The following CACNB2 variants were observed in gnomAD, a reference collection of about 807,000 sequenced individuals.
CACNB2 encodes the protein voltage-dependent L-type calcium channel subunit beta-2.
CACNB2 carries 42 observed loss-of-function variants against 73.3 expected under a neutral mutation model. That is an observed-to-expected ratio of 0.57 (90% confidence interval 0.45 to 0.74). The LOEUF is 0.74. Among genes scored for constraint, CACNB2 ranks in the 30% least tolerant of loss-of-function variants. CACNB2 has a pLI of 0.00. For synonymous variants in CACNB2, 348 were observed against 310.3 expected (o/e 1.12, Z -1.28); for missense variants, 940 against 853.0 (o/e 1.10, Z -1.27).
intron 2 of CACNB2, among the ~76,000 whole-genome samples, chr10:18,391,867 G>A (rs1006517083): frequency 7.2e-6 from 1 of 139,066 alleles, no homozygotes; most frequent in Non-Finnish European, 1.5e-5. Flanking sequence ...GACAGAGGTT[G>A]CAGTGAGCCA....
intron 2 of CACNB2, among the ~76,000 whole-genome samples, chr10:18,266,584 G>A (rs538230432): frequency 1.3e-5 from 2 of 151,704 alleles, no homozygotes; most frequent in Admixed American, 6.6e-5. Flanking sequence ...GAATTGTCCC[G>A]ACAGTTAAAA....
chr10:18,443,597 A>T (rs529041484), intron 3 of CACNB2, among the ~76,000 whole-genome samples: 3 of 152,226 alleles, frequency 2.0e-5, no homozygotes, highest in South Asian at 2.1e-4. Flanking sequence ...TGTTCTCCAG[A>T]GGTTGAGAAT....
chr10:18,413,398 C>T lies in CACNB2; in HGVS notation c.333+11355C>T, dbSNP rs556046012. Reference sequence around the variant, plus strand: ...CTCTCATACTTCTCCAGGCTTCAGCCGTCACTTATAGTTAGTGTCTTTGGT... The same window carrying T: ...CTCTCATACTTCTCCAGGCTTCAGCTGTCACTTATAGTTAGTGTCTTTGGT... On this transcript the variant is annotated intron_variant, in intron 3 of 13. Transcript: ENST00000324631. 5.9e-5 allele frequency among the ~76,000 whole-genome samples: 9 copies of T among 152,308 alleles called. No individual in the cohort carries two copies. In the Middle Eastern group the frequency reaches 0.01, roughly 173 times the overall value.
At chr10:18,188,819 A>G (rs1023319860) in intron 2 of CACNB2, among the ~76,000 whole-genome samples, 1 of 152,166 alleles carries the variant, frequency 6.6e-6, no homozygotes, top group African/African-American at 2.4e-5. Flanking sequence ...AAAGACAATT[A>G]TATAGTGAGA....
At chr10:18,223,735 C>T (rs1564357267) in intron 2 of CACNB2, among the ~76,000 whole-genome samples, 1 of 151,894 alleles carries the variant, frequency 6.6e-6, no homozygotes, top group Non-Finnish European at 1.5e-5. Flanking sequence ...TTTTAATTTC[C>T]TTTTTAGTTT....
At chr10:18,326,940 G>A (rs1366537467) in intron 2 of CACNB2, among the ~76,000 whole-genome samples, 2 of 152,012 alleles carry the variant, frequency 1.3e-5, no homozygotes, top group South Asian at 2.1e-4. Flanking sequence ...TGTTGCCCTT[G>A]CTGGTCTTGA....
chr10:18,219,538 G>C (rs1425687001), intron 2 of CACNB2, among the ~76,000 whole-genome samples: 2 of 152,178 alleles, frequency 1.3e-5, no homozygotes, highest in East Asian at 1.9e-4. Context: ...AAGTTGTCCA[G>C]CACCAGAAGT....
At chr10:18,505,791 A>AT in intron 5 of CACNB2, among the ~76,000 whole-genome samples, 1 of 152,350 alleles carries the variant, frequency 6.6e-6, no homozygotes, top group African/African-American at 2.4e-5. Context: ...GCAGTATATC[A>AT]TATCAAACTT....
intron 2 of CACNB2, among the ~76,000 whole-genome samples, chr10:18,371,889 C>G (rs1025662289): frequency 1.8e-4 from 27 of 152,206 alleles, no homozygotes; most frequent in African/African-American, 5.8e-4. Context: ...TTTAATGATC[C>G]TCATTCTAAC....
chr10:18,329,288 C>T (rs1034279203), intron 2 of CACNB2, among the ~76,000 whole-genome samples: 4 of 152,112 alleles, frequency 2.6e-5, no homozygotes, highest in Non-Finnish European at 4.4e-5. Flanking sequence ...TCAGGAGAAA[C>T]ATTCTCCCTG....
intron 2 of CACNB2, among the ~76,000 whole-genome samples, chr10:18,400,207 A>G (rs1041177810): frequency 6.6e-6 from 1 of 152,248 alleles, no homozygotes; most frequent in Non-Finnish European, 1.5e-5. Flanking sequence ...ACTGTGCTAT[A>G]TTATGACTGA....
intron 2 of CACNB2, among the ~76,000 whole-genome samples, chr10:18,250,807 A>G (rs532003568): frequency 5.9e-4 from 90 of 152,244 alleles, no homozygotes; most frequent in Middle Eastern, 3.4e-3. Flanking sequence ...GTGCAGGTTT[A>G]TGCTCCAACT....
intron 2 of CACNB2, among the ~76,000 whole-genome samples, chr10:18,399,061 G>T (rs1386757440): frequency 1.3e-5 from 2 of 152,126 alleles, no homozygotes; most frequent in Non-Finnish European, 2.9e-5. Context: ...CTCTCTTTAT[G>T]TACTTCCTGT....
intron 2 of CACNB2, among the ~76,000 whole-genome samples, chr10:18,389,536 A>G (rs1057513600): frequency 6.6e-6 from 1 of 152,224 alleles, no homozygotes; most frequent in Non-Finnish European, 1.5e-5. Flanking sequence ...TACAGTCATC[A>G]TAAACATTTG....
chr10:18,406,918 G>C (rs1235497755), intron 3 of CACNB2, among the ~76,000 whole-genome samples: 1 of 151,968 alleles, frequency 6.6e-6, no homozygotes, highest in African/African-American at 2.4e-5. Context: ...TGTATGCGAC[G>C]GTCAGTGTAC....
intron 3 of CACNB2, among the ~76,000 whole-genome samples, chr10:18,430,127 A>C (rs1236596068): frequency 4.2e-5 from 2 of 47,818 alleles, no homozygotes; most frequent in African/African-American, 2.6e-4. Context: ...AATCAAGAAG[A>C]TGTTAAAAAA....
chr10:18,482,555 G>C (rs1482654355), intron 3 of CACNB2, among the ~76,000 whole-genome samples: 1 of 152,164 alleles, frequency 6.6e-6, no homozygotes, highest in Non-Finnish European at 1.5e-5. Context: ...CTGTCGCCTA[G>C]GCTGGAGTGT....
chr10:18,514,643 C>T (rs1003200833), intron 7 of CACNB2: 1 of 1,274,936 alleles, frequency 7.8e-7, no homozygotes, highest in Non-Finnish European at 1.1e-6. Flanking sequence ...AACCTATCAA[C>T]AGCTAATTGA....
chr10:18,396,477 T>C lies in CACNB2; in HGVS notation c.214-5447T>C, dbSNP rs192186179. ...CCCGCTGAAGTCTATCCCATTTTGA[T>C]TGATGATTGATTGAGACGGAGTCTC... is the stretch of plus-strand genomic sequence containing the variant. On this transcript the variant is annotated intron_variant, in intron 2 of 13. Transcript: ENST00000324631. 1.4e-3 allele frequency among the ~76,000 whole-genome samples: 212 copies of C among 152,290 alleles called. 1 individual carries two copies. Among genetic ancestry groups the C allele is most frequent in the South Asian group, 0.01 (50 of 4,826 alleles).
Sources: allele counts gnomAD v4.1 joint callset (sites outside exome capture counted in the v4.1 genomes callset), GRCh38; gene constraint gnomAD v4.1.1; transcripts MANE v1.5; gene names NCBI Gene and HGNC (gene_info 2026-07-23, HGNC 2026-07-21).